ADCY8: variants seen among roughly 807,000 people sequenced by gnomAD.
The protein encoded by ADCY8 is adenylate cyclase 8.
ADCY8 carries 51 observed loss-of-function variants against 119.7 expected under a neutral mutation model. That is an observed-to-expected ratio of 0.43 (90% CI 0.34 to 0.54). The LOEUF (loss-of-function observed/expected upper bound fraction) is 0.54, where lower values mean the gene tolerates loss of function less well. ADCY8 is among the 20% of genes least tolerant of loss of function. The pLI, the probability that ADCY8 is intolerant of heterozygous loss-of-function variation, is 0.03. For missense variants in ADCY8, 1,383 were observed against 1,598.8 expected (o/e 0.87, Z 2.30); for synonymous variants, 665 against 651.0 (o/e 1.02, Z -0.33).
chr8:130,861,396 G>T (rs910920085), intron 9 of ADCY8, among the ~76,000 whole-genome samples: 1 of 152,074 alleles, frequency 6.6e-6, no homozygotes, highest in African/African-American at 2.4e-5. Flanking sequence ...AAGATTTCTT[G>T]TACAAATTTT....
chr8:130,953,904 A>G lies in ADCY8; in HGVS notation c.1111-1906T>C, dbSNP rs1213018300. ...GGACTAAGAGGCATGCTTTCTGCAA[A>G]TGCCCCAACATCATGTCCATTTTGT... On this transcript the variant is annotated intron_variant, in intron 2 of 17. Coordinates refer to ENST00000286355, the MANE Select transcript of ADCY8 (RefSeq NM_001115.3). Among the ~76,000 whole-genome samples, 4 of 152,184 alleles carry G rather than the reference A, an allele frequency of 2.6e-5. No homozygotes were observed. In the East Asian group the frequency reaches 5.8e-4, roughly 22 times the overall value.
At chr8:130,823,541 T>C (rs1816582949) in intron 12 of ADCY8, among the ~76,000 whole-genome samples, 1 of 152,230 alleles carries the variant, frequency 6.6e-6, no homozygotes, top group Non-Finnish European at 1.5e-5. Context: ...GAGTTAATAC[T>C]GTCATCTCTT....
In ADCY8 at chr8:130,879,738, C is replaced by T. The variant is rs146507705; in HGVS notation, c.2109+4826G>A. 4.6e-5 allele frequency among the ~76,000 whole-genome samples: 7 copies of T among 152,232 alleles called. No individual in the cohort carries two copies. The East Asian group carries it at 1.4e-3, about 29-fold the overall frequency. ...TGTGCAATGAGATAGTATGTAAATA[C>T]TAAAATTACTGTGTAAGTGAATATT... is the stretch of plus-strand genomic sequence containing the variant. On this transcript the variant is annotated intron_variant, in intron 8 of 17. Transcript: ENST00000286355.
At position 130,992,377 on chromosome 8, in the gene ADCY8, T is replaced by TATATATATTGAGCAACTGTGC. The variant is rs1563758935; in HGVS notation, c.961-1836_961-1835insGCACAGTTGCTCAATATATAT. ...GGGATTACATACATGAGCAACTGTA[T>TATATATATTGAGCAACTGTGC]CTGGCATATATATATATATATATAT... On this transcript the variant is annotated intron_variant, in intron 1 of 17. Transcript: ENST00000286355. Among the ~76,000 whole-genome samples the TATATATATTGAGCAACTGTGC allele has an allele frequency of 3.4e-3, 412 of 122,978 alleles. 46 individuals carry two copies. Among genetic ancestry groups the TATATATATTGAGCAACTGTGC allele is most frequent in the African/African-American group, 0.013 (378 of 29,318 alleles). 80.7% of individuals were successfully genotyped at this position (122,978 alleles called of 152,430 possible). A position where few individuals can be genotyped will look rare whatever the true frequency, so the allele number is the denominator to read the frequency against.
chr8:130,835,880 A>G (rs1182940220), intron 12 of ADCY8, among the ~76,000 whole-genome samples: 2 of 152,114 alleles, frequency 1.3e-5, no homozygotes, highest in Non-Finnish European at 2.9e-5. Flanking sequence ...AATGCTGTGG[A>G]TATGGAGGTC....
intron 15 of ADCY8, 93 bp downstream of exon 15, chr8:130,800,333 A>T: frequency 7.0e-7 from 1 of 1,436,756 alleles, no homozygotes; most frequent in Non-Finnish European, 9.4e-7. Flanking sequence ...GTTAAGTGCA[A>T]AAAAAAAAAA....
intron 1 of ADCY8, among the ~76,000 whole-genome samples, chr8:130,997,848 C>G (rs553265714): frequency 1.1e-3 from 173 of 152,266 alleles, no homozygotes; most frequent in African/African-American, 3.9e-3. Flanking sequence ...CTCCAACCTA[C>G]GGCTCTACCT....
chr8:130,877,011 T>C (rs1818592292), intron 8 of ADCY8, among the ~76,000 whole-genome samples: 1 of 152,184 alleles, frequency 6.6e-6, no homozygotes, highest in African/African-American at 2.4e-5. Context: ...TCAAACTCTT[T>C]GAGACTCCCT....
chr8:130,963,836 T>C (rs1016108677), intron 2 of ADCY8, among the ~76,000 whole-genome samples: 5 of 152,296 alleles, frequency 3.3e-5, no homozygotes, highest in African/African-American at 1.2e-4. Context: ...GCATGGTTTA[T>C]CATCCACACT....
At chr8:130,846,796 T>TCCCC (rs1817324946) in intron 11 of ADCY8, among the ~76,000 whole-genome samples, 1 of 67,290 alleles carries the variant, frequency 1.5e-5, no homozygotes, top group African/African-American at 5.4e-5. Flanking sequence ...TTCCTTCTCC[T>TCCCC]TCCTTCCTTC....
chr8:130,964,221 TTAATTGATTTACTGGACTAACCCACTCTC>T (rs1821694334), intron 2 of ADCY8, among the ~76,000 whole-genome samples: 1 of 152,242 alleles, frequency 6.6e-6, no homozygotes, highest in Non-Finnish European at 1.5e-5. Context: ...ACTCTCTGTC[TTAATTGATTTACTGGACTAACCCACTCTC>T]TTCAATCACT....
chr8:131,031,706 A>G (rs1487519060), intron 1 of ADCY8, among the ~76,000 whole-genome samples: 2 of 152,180 alleles, frequency 1.3e-5, no homozygotes, highest in African/African-American at 4.8e-5. Flanking sequence ...CATTGCAACA[A>G]AAAACCTTCA....
intron 9 of ADCY8, among the ~76,000 whole-genome samples, chr8:130,853,816 A>G (rs1357646721): frequency 6.6e-6 from 1 of 152,158 alleles, no homozygotes; most frequent in Non-Finnish European, 1.5e-5. Context: ...TTGAACCTGT[A>G]GTTCTGAAGC....
chr8:131,032,468 A>C (rs1010130288), intron 1 of ADCY8, among the ~76,000 whole-genome samples: 1 of 152,200 alleles, frequency 6.6e-6, no homozygotes, highest in African/African-American at 2.4e-5. Context: ...AGATCAAAGA[A>C]ACAAGCAAAC....
intron 15 of ADCY8, among the ~76,000 whole-genome samples, chr8:130,792,476 G>A: frequency 6.6e-6 from 1 of 152,112 alleles, no homozygotes; most frequent in East Asian, 1.9e-4. Flanking sequence ...TTCATTATAG[G>A]TCTAACAGGT....
At chr8:130,807,840 C>T (rs964423309) in intron 14 of ADCY8, among the ~76,000 whole-genome samples, 5 of 148,986 alleles carry the variant, frequency 3.4e-5, no homozygotes, top group South Asian at 2.2e-4. Context: ...AAAAATTAGC[C>T]GGGCGTAGTG....
At chr8:130,873,293 TA>T (rs1316250525) in intron 8 of ADCY8, among the ~76,000 whole-genome samples, 1 of 152,108 alleles carries the variant, frequency 6.6e-6, no homozygotes, top group Non-Finnish European at 1.5e-5. Context: ...ATTATCTAGT[TA>T]ATTGCCTAAA....
At chr8:130,978,957 C>G (rs1563753398) in intron 2 of ADCY8, among the ~76,000 whole-genome samples, 1 of 152,140 alleles carries the variant, frequency 6.6e-6, no homozygotes, top group Admixed American at 6.6e-5. Context: ...AACAAGCGTA[C>G]TAGATGGCCC....
chr8:130,907,036 C>A (rs1336616975), intron 6 of ADCY8, among the ~76,000 whole-genome samples: 1 of 152,038 alleles, frequency 6.6e-6, no homozygotes, highest in Non-Finnish European at 1.5e-5. Context: ...CACCCTGGAA[C>A]TGTATTATAT....
Sources: gnomAD v4.1 joint callset for allele counts (sites outside exome capture counted in the v4.1 genomes callset) on GRCh38, gnomAD v4.1.1 for gene constraint, MANE v1.5 for transcripts, NCBI Gene and HGNC (gene_info 2026-07-23, HGNC 2026-07-21) for gene names.